The following GALNT13 variants were observed in gnomAD, a reference collection of about 807,000 sequenced individuals.
GALNT13 encodes the protein polypeptide N-acetylgalactosaminyltransferase 13, also known as UDP-GalNAc:polypeptide N-acetylgalactosaminyltransferase 13.
GALNT13 carries 28 observed loss-of-function variants against 64.2 expected under a neutral mutation model. That is an observed-to-expected ratio of 0.44 (90% CI 0.32 to 0.60). The LOEUF is 0.60. Among genes scored for constraint, GALNT13 ranks in the 20% least tolerant of loss-of-function variants. The probability of loss-of-function intolerance (pLI) is 0.05; values close to 1 mark genes in which losing one functional copy is unlikely to be tolerated. For synonymous variants in GALNT13, 214 were observed against 224.6 expected (o/e 0.95, Z 0.42); for missense variants, 577 against 669.8 (o/e 0.86, Z 1.53).
chr2:153,256,350 G>T, the GALNT13 span, among the ~76,000 whole-genome samples: 323 of 152,250 alleles, frequency 2.1e-3, no homozygotes, highest in Middle Eastern at 6.8e-3. Context: ...GTATCGGTTA[G>T]TCTAGTTATA....
At chr2:154,304,050 G>A (rs1028208127) in intron 9 of GALNT13, among the ~76,000 whole-genome samples, 4 of 152,150 alleles carry the variant, frequency 2.6e-5, no homozygotes, top group Admixed American at 6.5e-5. Flanking sequence ...CACCGCGCCC[G>A]CAAAAACTTT....
rs76954278 is a variant in GALNT13, at chr2:154,215,200, G to A, written c.312-26830G>A. ...TCCCTTGACTTTGGAAGTTATATGC[G>A]CCAATAATTTCCCCTTTTATGCCTG... On this transcript the variant is annotated intron_variant, in intron 4 of 12. Coordinates refer to ENST00000392825, the MANE Select transcript of GALNT13 (RefSeq NM_052917.4). Among the ~76,000 whole-genome samples the A allele has an allele frequency of 6.3e-3, 960 of 152,208 alleles. 10 individuals carry two copies. The highest frequency in any genetic ancestry group is 0.021 in the African/African-American group (861 of 41,548).
At chr2:153,886,663 C>T (rs1023633673) in intron 1 of GALNT13, among the ~76,000 whole-genome samples, 9 of 151,948 alleles carry the variant, frequency 5.9e-5, no homozygotes, top group Non-Finnish European at 8.8e-5. Context: ...TTGTGATTAC[C>T]GTCTCTCTTG....
the GALNT13 span, among the ~76,000 whole-genome samples, chr2:153,179,032 C>T: frequency 2.0e-5 from 3 of 151,996 alleles, no homozygotes; most frequent in Admixed American, 6.5e-5. Flanking sequence ...CGTCAGCCAC[C>T]GCACCCAGCC....
the GALNT13 span, among the ~76,000 whole-genome samples, chr2:153,360,987 C>G: frequency 1.1e-4 from 16 of 152,192 alleles, no homozygotes; most frequent in South Asian, 3.1e-3. Context: ...CAGATTGGTG[C>G]CCCTCAAGGT....
intron 4 of GALNT13, among the ~76,000 whole-genome samples, chr2:154,241,040 CT>C (rs1689457786): frequency 6.6e-6 from 1 of 152,132 alleles, no homozygotes; most frequent in African/African-American, 2.4e-5. Context: ...CTCTCCATGT[CT>C]AGCCGTCCGT....
intron 4 of GALNT13, among the ~76,000 whole-genome samples, chr2:154,150,906 G>T (rs994272825): frequency 2.6e-5 from 4 of 152,072 alleles, no homozygotes; most frequent in Admixed American, 6.6e-5. Flanking sequence ...ATTTTTTGAA[G>T]GGTTTTTTGT....
rs112858892 is a variant in GALNT13, at chr2:154,028,112, G to A, written c.142+83473G>A. Among the ~76,000 whole-genome samples, 48 of 152,194 alleles carry A rather than the reference G, an allele frequency of 3.2e-4. 1 individual carries two copies. Among genetic ancestry groups the A allele is most frequent in the African/African-American group, 8.9e-4 (37 of 41,534 alleles). On this transcript the variant is annotated intron_variant, in intron 3 of 12. Transcript: ENST00000392825. ...TTTCAGTAATGCTGAACCTACTAGC[G>A]TGTGAGGGCATTTAGCATACTGATA...
the GALNT13 span, among the ~76,000 whole-genome samples, chr2:153,084,648 C>T: frequency 6.6e-6 from 1 of 152,108 alleles, no homozygotes; most frequent in African/African-American, 2.4e-5. Context: ...TGGGAGTTCC[C>T]CTGCACAAGC....
intron 11 of GALNT13, among the ~76,000 whole-genome samples, chr2:154,427,279 T>C (rs1242734960): frequency 6.6e-6 from 1 of 152,220 alleles, no homozygotes; most frequent in African/African-American, 2.4e-5. Flanking sequence ...TGTAATCTTC[T>C]AGAGCCCATT....
At chr2:153,581,535 C>T in the GALNT13 span, among the ~76,000 whole-genome samples, 1 of 151,922 alleles carries the variant, frequency 6.6e-6, no homozygotes, top group Non-Finnish European at 1.5e-5. Flanking sequence ...CTATTATCTT[C>T]TATGTGTGTG....
intron 11 of GALNT13, among the ~76,000 whole-genome samples, chr2:154,435,531 C>A (rs1700922091): frequency 6.6e-6 from 1 of 152,138 alleles, no homozygotes; most frequent in Admixed American, 6.5e-5. Context: ...CATAAAGGAA[C>A]TCATAAGTAG....
chr2:154,159,457 G>T (rs1005803005), intron 4 of GALNT13, among the ~76,000 whole-genome samples: 2 of 152,076 alleles, frequency 1.3e-5, no homozygotes, highest in Admixed American at 6.6e-5. Flanking sequence ...CTTTCTAGGG[G>T]ACTTTCATCT....
chr2:153,304,673 C>A, the GALNT13 span, among the ~76,000 whole-genome samples: 1 of 152,100 alleles, frequency 6.6e-6, no homozygotes, highest in African/African-American at 2.4e-5. Context: ...TTAAATACTA[C>A]AGCTTTGTGA....
chr2:153,457,467 G>C, the GALNT13 span, among the ~76,000 whole-genome samples: 1 of 152,110 alleles, frequency 6.6e-6, no homozygotes, highest in Admixed American at 6.5e-5. Flanking sequence ...AGCTCAAATT[G>C]AAAATGGGAC....
chr2:153,449,134 G>A, the GALNT13 span, among the ~76,000 whole-genome samples: 1 of 152,148 alleles, frequency 6.6e-6, no homozygotes. Flanking sequence ...CTACAAGCCA[G>A]GAACAGAGCC....
chr2:154,436,043 C>T (rs1004163217), intron 11 of GALNT13: 5 of 152,062 alleles, frequency 3.3e-5, no homozygotes, highest in Non-Finnish European at 7.4e-5. Context: ...AACAAGCATA[C>T]AAACGAGATT....
intron 3 of GALNT13, among the ~76,000 whole-genome samples, chr2:154,043,414 T>TTTTATATATA (rs1558926847): frequency 2.6e-5 from 2 of 78,260 alleles, no homozygotes; most frequent in African/African-American, 5.4e-5. Flanking sequence ...ATAAGGACTT[T>TTTTATATATA]TATATATATA....
chr2:154,203,196 G>A (rs1687265582), intron 4 of GALNT13, among the ~76,000 whole-genome samples: 1 of 152,126 alleles, frequency 6.6e-6, no homozygotes, highest in Non-Finnish European at 1.5e-5. Context: ...TAACCAGTTA[G>A]CCATTTTCGC....
Sources: allele counts gnomAD v4.1 joint callset (sites outside exome capture counted in the v4.1 genomes callset), GRCh38; gene constraint gnomAD v4.1.1; transcripts MANE v1.5; gene names NCBI Gene and HGNC (gene_info 2026-07-23, HGNC 2026-07-21).